The following ZC3H12B variants were observed in gnomAD, a reference collection of about 807,000 sequenced individuals.
The protein encoded by ZC3H12B is probable ribonuclease ZC3H12B.
In ZC3H12B, 7 loss-of-function variants were observed where a neutral mutation model predicts 43.9. The ratio of observed to expected loss-of-function variants is 0.16; its 90% CI spans 0.09 to 0.30. The LOEUF (loss-of-function observed/expected upper bound fraction) is 0.30, where lower values mean the gene tolerates loss of function less well. ZC3H12B is among the 10% of genes least tolerant of loss of function. The probability of loss-of-function intolerance (pLI) is 1.00; values close to 1 mark genes in which losing one functional copy is unlikely to be tolerated. For missense variants in ZC3H12B, 475 were observed against 670.2 expected (o/e 0.71, Z 3.22); for synonymous variants, 222 against 241.7 (o/e 0.92, Z 0.76).
chrX:65,286,933 A>C, the ZC3H12B span, among the ~76,000 whole-genome samples: 1 of 111,198 alleles, frequency 9.0e-6, no homozygotes, highest in African/African-American at 3.3e-5. Flanking sequence ...AACAGTAAAC[A>C]AAAAAGACAA....
intron 2 of ZC3H12B, among the ~76,000 whole-genome samples, chrX:65,377,442 C>T (rs2066362511): frequency 9.1e-6 from 1 of 110,146 alleles, no homozygotes; most frequent in South Asian, 3.8e-4. Flanking sequence ...GTAGATTTAA[C>T]CCAAAGAAGC....
chrX:65,187,868 CTTG>C, the ZC3H12B span, among the ~76,000 whole-genome samples: 2 of 110,034 alleles, frequency 1.8e-5, no homozygotes, highest in African/African-American at 6.6e-5. Flanking sequence ...CTGTAGCCAC[CTTG>C]TTGTGCTATC....
chrX:65,293,849 G>C, the ZC3H12B span, among the ~76,000 whole-genome samples: 11 of 111,659 alleles, frequency 9.9e-5, no homozygotes, highest in Admixed American at 1.0e-3. Flanking sequence ...CAAGAAGTTT[G>C]AAATTATGTT....
chrX:65,164,621 T>C, the ZC3H12B span, among the ~76,000 whole-genome samples: 4 of 112,007 alleles, frequency 3.6e-5, no homozygotes, highest in Non-Finnish European at 1.9e-5. Flanking sequence ...GTTAGCTTGG[T>C]TTTGTCCAGG....
At chrX:65,271,646 T>A in the ZC3H12B span, 1 of 112,194 alleles carries the variant, frequency 8.9e-6, no homozygotes, top group Non-Finnish European at 1.9e-5. Flanking sequence ...GAAGAGTATC[T>A]TGGTTATCCT....
At chrX:65,273,702 A>C in the ZC3H12B span, among the ~76,000 whole-genome samples, 256 of 112,085 alleles carry the variant, frequency 2.3e-3, 2 homozygotes, top group African/African-American at 7.7e-3. Context: ...CAGCAAGACA[A>C]AAATGACTTG....
the ZC3H12B span, among the ~76,000 whole-genome samples, chrX:65,266,991 A>G: frequency 2.7e-5 from 3 of 110,443 alleles, no homozygotes; most frequent in Non-Finnish European, 3.8e-5. Context: ...CTGGGAAATT[A>G]AGAAGTCCAC....
chrX:65,054,026 A>G, the ZC3H12B span, among the ~76,000 whole-genome samples: 2 of 112,436 alleles, frequency 1.8e-5, no homozygotes, highest in Non-Finnish European at 3.8e-5. Context: ...TCAGATGAGT[A>G]GATTGCAAAA....
rs148254405 is a variant in ZC3H12B at position 65,389,414 on chromosome X, T to A, written n.296-9179T>A. 5.3e-3 allele frequency among the ~76,000 whole-genome samples: 596 copies of A among 112,519 alleles called. 19 individuals carry two copies. The highest frequency in any genetic ancestry group is 9.2e-3 in the Middle Eastern group (2 of 218). On this transcript the variant is annotated intron_variant and non_coding_transcript_variant, in intron 2 of 5. Transcript: ENST00000617377. Reference sequence around the variant, plus strand: ...TGTGCTAGCAGTGAGCGGGGCTCCATGGGCGTAGGACTCTCCAAGCCAGGC... The same window carrying A: ...TGTGCTAGCAGTGAGCGGGGCTCCAAGGGCGTAGGACTCTCCAAGCCAGGC...
the ZC3H12B span, among the ~76,000 whole-genome samples, chrX:65,311,067 A>G: frequency 1.8e-5 from 2 of 112,235 alleles, no homozygotes; most frequent in Non-Finnish European, 3.8e-5. Flanking sequence ...AGGCAATACT[A>G]TTCAGGACAT....
upstream of ZC3H12B, among the ~76,000 whole-genome samples, chrX:65,486,330 C>T (rs999057297): frequency 2.7e-5 from 3 of 112,305 alleles, no homozygotes; most frequent in East Asian, 2.8e-4. Flanking sequence ...TTCTAGCCAA[C>T]GTTTTACTAG....
chrX:65,364,312 G>A (rs2066143706), upstream of ZC3H12B, among the ~76,000 whole-genome samples: 1 of 108,354 alleles, frequency 9.2e-6, no homozygotes, highest in Non-Finnish European at 1.9e-5. Flanking sequence ...GTACCACCCT[G>A]CTGTTATATG....
rs746622857 is a variant in ZC3H12B at position 65,502,371 on chromosome X, A to G, written c.1673A>G (p.Asn558Ser). The change falls in exon 5 of 5, where the codon AAC becomes AGC. Residue 558 changes from asparagine (N) to serine (S), a missense_variant. Transcript: ENST00000338957. Reference sequence around the variant, plus strand: ...GGTGACTTCTCCAAACTGAACATCAACAGCATGCATAACCGAGAGTATTAC... The same window carrying G: ...GGTGACTTCTCCAAACTGAACATCAGCAGCATGCATAACCGAGAGTATTAC... The G allele has an allele frequency of 3.3e-6, 4 of 1,211,517 alleles. No individual in the cohort carries two copies. The South Asian group carries it at 5.3e-5, about 16-fold the overall frequency.
At chrX:65,112,718 T>G in the ZC3H12B span, among the ~76,000 whole-genome samples, 23 of 111,723 alleles carry the variant, frequency 2.1e-4, no homozygotes, top group African/African-American at 7.1e-4. Context: ...GACCTACTGC[T>G]CAGAAGGACT....
chrX:65,133,320 A>T, the ZC3H12B span, among the ~76,000 whole-genome samples: 1 of 110,271 alleles, frequency 9.1e-6, no homozygotes, highest in African/African-American at 3.3e-5. Flanking sequence ...CCGGAATTTA[A>T]TTTTTGGAGC....
the ZC3H12B span, among the ~76,000 whole-genome samples, chrX:65,302,306 C>G: frequency 1.8e-5 from 2 of 110,562 alleles, no homozygotes; most frequent in Admixed American, 9.6e-5. Flanking sequence ...AACTAAAAAG[C>G]AATTATAGCA....
intron 2 of ZC3H12B, among the ~76,000 whole-genome samples, chrX:65,390,064 T>C (rs2066590448): frequency 8.9e-6 from 1 of 112,151 alleles, no homozygotes; most frequent in African/African-American, 3.2e-5. Flanking sequence ...CACCATGGAA[T>C]GCTATGCAGC....
the ZC3H12B span, among the ~76,000 whole-genome samples, chrX:65,142,157 A>T: frequency 8.9e-6 from 1 of 112,088 alleles, no homozygotes; most frequent in African/African-American, 3.2e-5. Context: ...TGTTCACCAC[A>T]TCCATGCCAA....
chrX:65,280,304 G>A, the ZC3H12B span, among the ~76,000 whole-genome samples: 2 of 112,180 alleles, frequency 1.8e-5, no homozygotes, highest in Non-Finnish European at 3.8e-5. Flanking sequence ...AAAATCATAT[G>A]ATCATCTCAA....
Sources: gnomAD v4.1 joint callset for allele counts (sites outside exome capture counted in the v4.1 genomes callset) on GRCh38, gnomAD v4.1.1 for gene constraint, MANE v1.5 for transcripts, NCBI Gene and HGNC (gene_info 2026-07-23, HGNC 2026-07-21) for gene names.